The following MAGI2 variants were observed in gnomAD, a reference collection of about 807,000 sequenced individuals.
MAGI2 encodes the protein membrane-associated guanylate kinase, WW and PDZ domain-containing protein 2.
MAGI2 carries 35 observed loss-of-function variants against 133.3 expected under a neutral mutation model. The observed-to-expected ratio is 0.26, with a 90% CI of 0.20 to 0.35. The LOEUF (loss-of-function observed/expected upper bound fraction) is 0.35. MAGI2 is among the 10% of genes least tolerant of loss of function. The pLI, the probability that MAGI2 is intolerant of heterozygous loss-of-function variation, is 1.00. For missense variants in MAGI2, 1,636 were observed against 1,863.4 expected, an observed-to-expected ratio of 0.88 and a Z score of 2.25; for synonymous variants, 729 against 710.6, an observed-to-expected ratio of 1.03 and a Z score of -0.41.
At chr7:78,286,228 C>A (rs774065540) in intron 9 of MAGI2, among the ~76,000 whole-genome samples, 2 of 152,060 alleles carry the variant, frequency 1.3e-5, no homozygotes, top group Non-Finnish European at 2.9e-5. Flanking sequence ...CTCTATTCCT[C>A]CTCCCTACCC....
chr7:78,723,144 A>C (rs151049489), intron 2 of MAGI2, among the ~76,000 whole-genome samples: 3 of 152,216 alleles, frequency 2.0e-5, no homozygotes, highest in African/African-American at 7.2e-5. Flanking sequence ...AATCTTTTAA[A>C]TAATATCCTA....
At chr7:79,448,406 C>T (rs529446394) in intron 1 of MAGI2, among the ~76,000 whole-genome samples, 2 of 152,108 alleles carry the variant, frequency 1.3e-5, no homozygotes, top group Middle Eastern at 3.4e-3. Flanking sequence ...ATTAAAAACA[C>T]CTCATAATGT....
At chr7:78,159,815 A>C (rs1050778723) in intron 16 of MAGI2, 1 of 431,322 alleles carries the variant, frequency 2.3e-6, no homozygotes, top group African/African-American at 2.0e-5. Context: ...TGAGGGCATT[A>C]GTTGTGTTCT....
chr7:78,485,092 T>G (rs1187923589), intron 6 of MAGI2: 5 of 152,014 alleles, frequency 3.3e-5, no homozygotes, highest in Non-Finnish European at 7.4e-5. Flanking sequence ...GAAATGGTTG[T>G]GATTGAAAAT....
chr7:78,601,878 A>C (rs1486345268), intron 3 of MAGI2, among the ~76,000 whole-genome samples: 1 of 152,208 alleles, frequency 6.6e-6, no homozygotes, highest in Non-Finnish European at 1.5e-5. Flanking sequence ...CCATCAGCAC[A>C]CAGTACAGTG....
rs117553145 is a variant in MAGI2, at chr7:78,749,369, C to T, written c.419-122130G>A. Among the ~76,000 whole-genome samples, 1,053 of 152,156 alleles carry T rather than the reference C, an allele frequency of 6.9e-3. 8 individuals are homozygous for T. Among genetic ancestry groups the T allele is most frequent in the Non-Finnish European group, 9.4e-3 (642 of 68,014 alleles). On this transcript the variant is annotated intron_variant, in intron 2 of 21. Coordinates refer to ENST00000354212, the MANE Select transcript of MAGI2 (RefSeq NM_012301.4). ...GGCACAAAGTCGTGTTTTCATGGAGCTTATGTTTTCGGGAGGAAGCAAGAT... is the reference window on the plus strand; with the variant it reads ...GGCACAAAGTCGTGTTTTCATGGAGTTTATGTTTTCGGGAGGAAGCAAGAT...
At chr7:78,211,263 A>T (rs567251222) in intron 10 of MAGI2, among the ~76,000 whole-genome samples, 1 of 152,150 alleles carries the variant, frequency 6.6e-6, no homozygotes, top group Non-Finnish European at 1.5e-5. Flanking sequence ...GAGGGATGGG[A>T]CTAGACAGGA....
chr7:78,156,825 A>C (rs1204058094), intron 16 of MAGI2, among the ~76,000 whole-genome samples: 1 of 148,210 alleles, frequency 6.7e-6, no homozygotes, highest in Non-Finnish European at 1.5e-5. Flanking sequence ...AAAAAAACAA[A>C]CCCAAAAAAA....
chr7:79,037,308 C>T (rs535941528), intron 1 of MAGI2, among the ~76,000 whole-genome samples: 2 of 152,170 alleles, frequency 1.3e-5, no homozygotes, highest in East Asian at 3.9e-4. Context: ...CCCTTATGAC[C>T]ATAATTATAC....
At chr7:78,605,061 A>T (rs770305741) in intron 3 of MAGI2, among the ~76,000 whole-genome samples, 5 of 152,312 alleles carry the variant, frequency 3.3e-5, no homozygotes, top group Admixed American at 6.5e-5. Context: ...AGGAGGTGGC[A>T]GTGGAAGAGA....
intron 1 of MAGI2, among the ~76,000 whole-genome samples, chr7:79,297,320 G>A (rs965021093): frequency 5.9e-5 from 9 of 152,088 alleles, no homozygotes; most frequent in African/African-American, 2.2e-4. Flanking sequence ...AGATAGATGG[G>A]GATTGCATGT....
intron 2 of MAGI2, among the ~76,000 whole-genome samples, chr7:78,996,608 T>C (rs767141162): frequency 3.8e-4 from 58 of 152,262 alleles, no homozygotes; most frequent in Admixed American, 1.3e-3. Flanking sequence ...CAAACCCCCA[T>C]GATACAAGTT....
intron 1 of MAGI2, among the ~76,000 whole-genome samples, chr7:79,250,143 A>G (rs1336829543): frequency 6.6e-6 from 1 of 152,148 alleles, no homozygotes; most frequent in Admixed American, 6.5e-5. Flanking sequence ...AACATATGTC[A>G]ACATAATGAT....
chr7:79,088,443 C>G (rs1426945363), intron 1 of MAGI2, among the ~76,000 whole-genome samples: 2 of 152,224 alleles, frequency 1.3e-5, no homozygotes, highest in Middle Eastern at 3.4e-3. Flanking sequence ...AATATACAAT[C>G]ATGTCATCTG....
chr7:78,527,027 A>AG (rs1384304684), intron 3 of MAGI2, among the ~76,000 whole-genome samples: 3 of 149,864 alleles, frequency 2.0e-5, no homozygotes, highest in African/African-American at 7.3e-5. Context: ...AAAAAAAAAA[A>AG]AAAAAAAGAA....
chr7:78,663,327 C>T (rs1189688417), intron 2 of MAGI2, among the ~76,000 whole-genome samples: 1 of 151,900 alleles, frequency 6.6e-6, no homozygotes, highest in African/African-American at 2.4e-5. Context: ...CTGCCTCAGC[C>T]TCCTAAGTAG....
chr7:79,332,945 T>C (rs1425342147), intron 1 of MAGI2, among the ~76,000 whole-genome samples: 1 of 152,114 alleles, frequency 6.6e-6, no homozygotes, highest in Non-Finnish European at 1.5e-5. Flanking sequence ...ACCTTGTTGA[T>C]TATATCCTCA....
chr7:78,141,360 T>C (rs980385816), intron 16 of MAGI2, among the ~76,000 whole-genome samples: 1 of 152,184 alleles, frequency 6.6e-6, no homozygotes, highest in Non-Finnish European at 1.5e-5. Flanking sequence ...TTATTTTCCA[T>C]CGCTGCTTCC....
chr7:78,483,610 T>C (rs193268035), intron 6 of MAGI2, among the ~76,000 whole-genome samples: 1 of 151,786 alleles, frequency 6.6e-6, no homozygotes, highest in South Asian at 2.1e-4. Flanking sequence ...CCTACCTGAT[T>C]TATTTTGGAT....
Sources: allele counts gnomAD v4.1 joint callset (sites outside exome capture counted in the v4.1 genomes callset), GRCh38; gene constraint gnomAD v4.1.1; transcripts MANE v1.5; gene names NCBI Gene and HGNC (gene_info 2026-07-23, HGNC 2026-07-21).